The following ODF2 variants were observed in gnomAD, a reference collection of about 807,000 sequenced individuals.
The protein encoded by ODF2 is outer dense fiber protein 2.
A neutral mutation model predicts 110.2 loss-of-function variants in ODF2; 47 were observed. The observed-to-expected ratio is 0.43, with a 90% CI of 0.34 to 0.54. ODF2 has a LOEUF of 0.54. Among genes scored for constraint, ODF2 ranks in the 20% least tolerant of loss-of-function variants. The probability of loss-of-function intolerance (pLI) is 0.03; values close to 1 mark genes in which losing one functional copy is unlikely to be tolerated. For synonymous variants in ODF2, 352 were observed against 397.7 expected, an observed-to-expected ratio of 0.89 and a Z score of 1.37; for missense variants, 812 against 1,054.5, an observed-to-expected ratio of 0.77 and a Z score of 3.19.
At chr9:128,457,207 T>G in exon 2 of ODF2, 1 of 1,556,726 alleles carries the variant, frequency 6.4e-7, no homozygotes, top group Non-Finnish European at 8.6e-7. Context: ...GGACAGTTGC[T>G]GTGCGACTTG....
intron 6 of ODF2, 43 bp from the exon 7 acceptor site, chr9:128,472,870 C>CG (rs756876112): frequency 6.2e-7 from 1 of 1,610,618 alleles, no homozygotes; most frequent in African/African-American, 1.3e-5. Flanking sequence ...TCTGGGCATG[C>CG]GGGGGCCTGG....
intron 18 of ODF2, among the ~76,000 whole-genome samples, chr9:128,496,758 C>T (rs1302637975): frequency 1.4e-5 from 2 of 146,374 alleles, no homozygotes; most frequent in African/African-American, 4.9e-5. Context: ...TCTATCATGT[C>T]ACTCTGTCAC....
intron 4 of ODF2, 91 bp downstream of exon 4, chr9:128,461,158 A>G (rs1012966828): frequency 1.3e-6 from 2 of 1,498,104 alleles, no homozygotes; most frequent in East Asian, 2.5e-5. Flanking sequence ...AGCTATAGCT[A>G]CTGGAATGTC....
At chr9:128,487,804 A>AAAACAC (rs1491299468) in intron 13 of ODF2, 86 bp from the exon 14 acceptor site, 3 of 78,774 alleles carry the variant, frequency 3.8e-5, no homozygotes, top group South Asian at 3.8e-4. Flanking sequence ...AAACAAACAA[A>AAAACAC]ACACACACAC....
intron 4 of ODF2, among the ~76,000 whole-genome samples, chr9:128,463,723 T>G (rs927486115): frequency 6.6e-6 from 1 of 152,270 alleles, no homozygotes; most frequent in Non-Finnish European, 1.5e-5. Context: ...TATGTTTGTA[T>G]GTGCAGAACG....
At chr9:128,495,672 A>C (rs1255558500) in intron 17 of ODF2, among the ~76,000 whole-genome samples, 3 of 152,238 alleles carry the variant, frequency 2.0e-5, no homozygotes, top group Non-Finnish European at 4.4e-5. Context: ...TAGTACCAGC[A>C]ACATAACAGG....
chr9:128,465,804 G>A (rs1456314116), intron 4 of ODF2, among the ~76,000 whole-genome samples: 2 of 151,376 alleles, frequency 1.3e-5, no homozygotes, highest in Non-Finnish European at 2.9e-5. Flanking sequence ...AAAATAATCA[G>A]CTACTCAATT....
chr9:128,457,374 A>C (rs370382856), exon 2 of ODF2: 1 of 1,612,386 alleles, frequency 6.2e-7, no homozygotes, highest in Non-Finnish European at 8.5e-7. Context: ...TGCTGACCCA[A>C]TTGCCCACCT....
rs573182514 is a variant in ODF2 at position 128,459,920 on chromosome 9, G to A, written c.123+263G>A. Among the ~76,000 whole-genome samples the A allele has an allele frequency of 9.3e-4, 142 of 151,996 alleles. 1 individual carries two copies. Among genetic ancestry groups the A allele is most frequent in the Admixed American group, 1.4e-3 (21 of 15,260 alleles). On this transcript the variant is annotated intron_variant, in intron 3 of 20. Transcript: ENST00000604420. ...TTGAGATTTTTAAAATAAAGGAAAAGAAAAAGAAGAGAAAAAAAAAGTTTA... is the reference window on the plus strand; with the variant it reads ...TTGAGATTTTTAAAATAAAGGAAAAAAAAAAGAAGAGAAAAAAAAAGTTTA...
intron 16 of ODF2, among the ~76,000 whole-genome samples, chr9:128,493,606 C>T (rs1169342883): frequency 6.6e-6 from 1 of 152,060 alleles, no homozygotes; most frequent in Admixed American, 6.6e-5. Flanking sequence ...TAATGGTTAC[C>T]TTGGAGATGG....
At chr9:128,492,792 A>G in exon 16 of ODF2, 2 of 1,613,668 alleles carry the variant, frequency 1.2e-6, no homozygotes, top group Non-Finnish European at 1.7e-6. Flanking sequence ...GAGATGAACA[A>G]AGAGATTGAG....
upstream of ODF2, chr9:128,455,262 G>A (rs1184852390): frequency 1.3e-6 from 2 of 1,533,152 alleles, no homozygotes; most frequent in African/African-American, 2.7e-5. Flanking sequence ...GAGTGCAGGA[G>A]GGTAGTAGAC....
intron 18 of ODF2, among the ~76,000 whole-genome samples, chr9:128,496,583 C>T (rs889784846): frequency 1.1e-4 from 17 of 152,364 alleles, no homozygotes; most frequent in South Asian, 6.2e-4. Context: ...GTGAAGGGTA[C>T]GGCTTTGGGA....
At chr9:128,465,498 T>C (rs868098507) in intron 4 of ODF2, among the ~76,000 whole-genome samples, 15 of 152,286 alleles carry the variant, frequency 9.8e-5, no homozygotes, top group African/African-American at 3.6e-4. Flanking sequence ...ATCTCAGCAC[T>C]TTGGGAGGCC....
At chr9:128,491,100 A>G (rs924938645) in intron 14 of ODF2, among the ~76,000 whole-genome samples, 1 of 151,300 alleles carries the variant, frequency 6.6e-6, no homozygotes, top group African/African-American at 2.4e-5. Context: ...GCTGGAGTGC[A>G]GTGGTGCAAT....
intron 9 of ODF2, 93 bp downstream of exon 9, chr9:128,481,744 AG>A: frequency 1.0e-6 from 1 of 986,792 alleles, no homozygotes; most frequent in East Asian, 2.5e-5. Context: ...TCAAGGCAGG[AG>A]GGCTGGAGCA....
chr9:128,471,554 A>G, intron 6 of ODF2, 86 bp downstream of exon 6: 1 of 1,380,762 alleles, frequency 7.2e-7, no homozygotes, highest in African/African-American at 1.5e-5. Context: ...AAAGCAACGT[A>G]GGAGGTGGGC....
exon 21 of ODF2, chr9:128,500,153 C>T (rs1470574425): frequency 1.1e-5 from 18 of 1,614,134 alleles, no homozygotes; most frequent in African/African-American, 2.7e-5. Context: ...TGCAGAACTA[C>T]GTCCAGTTCC....
At chr9:128,456,758 C>CGGGG in intron 1 of ODF2, 1 of 887,082 alleles carries the variant, frequency 1.1e-6, no homozygotes, top group East Asian at 1.3e-4. Context: ...CCTCGCCCGG[C>CGGGG]GGGGGGGGGT....
Sources: gnomAD v4.1 joint callset for allele counts (sites outside exome capture counted in the v4.1 genomes callset) on GRCh38, gnomAD v4.1.1 for gene constraint, MANE v1.5 for transcripts, NCBI Gene and HGNC (gene_info 2026-07-23, HGNC 2026-07-21) for gene names.